The following ANKRD45 variants were observed in gnomAD, a reference collection of about 807,000 sequenced individuals.
ANKRD45 encodes the protein ankyrin repeat domain 45, also known as ankyrin repeat domain-containing protein 45.
In ANKRD45, 21 loss-of-function variants were observed where a neutral mutation model predicts 28.1. The ratio of observed to expected loss-of-function variants is 0.75; its 90% CI spans 0.53 to 1.08. The LOEUF is 1.08. ANKRD45 is among the 50% of genes least tolerant of loss of function. The pLI is 0.00. For synonymous variants in ANKRD45, 86 were observed against 103.9 expected, an observed-to-expected ratio of 0.83 and a Z score of 1.05; for missense variants, 261 against 308.7, an observed-to-expected ratio of 0.85 and a Z score of 1.16.
chr1:173,632,950 T>C (rs1267456676), intron 3 of ANKRD45, among the ~76,000 whole-genome samples: 1 of 152,022 alleles, frequency 6.6e-6, no homozygotes. Flanking sequence ...AAGACAAGAA[T>C]GCCCACTTTC....
the ANKRD45 span, among the ~76,000 whole-genome samples, chr1:173,676,030 C>T: frequency 1.3e-5 from 2 of 152,172 alleles, no homozygotes; most frequent in African/African-American, 4.8e-5. Context: ...CAGAAAGTGA[C>T]ATTCTTTACC....
intron 2 of ANKRD45, among the ~76,000 whole-genome samples, chr1:173,649,867 T>C (rs1669104326): frequency 1.3e-5 from 2 of 152,300 alleles, no homozygotes; most frequent in Admixed American, 6.5e-5. Flanking sequence ...ATAAATATTC[T>C]CTGGCATCAT....
In ANKRD45 at chr1:173,656,680, C is replaced by G. The variant is rs189107347; in HGVS notation, c.328+2411G>C. On this transcript the variant is annotated intron_variant, in intron 2 of 5. Coordinates refer to ENST00000333279, the MANE Select transcript of ANKRD45 (RefSeq NM_198493.3). Reference sequence around the variant, plus strand: ...TCTTCAGAGCTCATAAAAGCTGGCTCTAGCACAATACTGTGTTATTTCTCT... The same window carrying G: ...TCTTCAGAGCTCATAAAAGCTGGCTGTAGCACAATACTGTGTTATTTCTCT... Among the ~76,000 whole-genome samples the G allele has an allele frequency of 1.6e-3, 249 of 152,258 alleles. 1 individual carries two copies. The highest frequency in any genetic ancestry group is 2.6e-3 in the Non-Finnish European group (178 of 68,006).
rs193047279 is a variant in ANKRD45, at chr1:173,633,474, A to C, written c.497-6315T>G. 1.8e-3 allele frequency among the ~76,000 whole-genome samples: 259 copies of C among 147,784 alleles called. 1 individual carries two copies. The highest frequency in any genetic ancestry group is 4.1e-3 in the Admixed American group (60 of 14,720). ...TATCAAAATACCAACGACATGCTTC[A>C]CAGAAATAGAAAAAACAATACTAAA... On this transcript the variant is annotated intron_variant, in intron 3 of 5. Coordinates refer to ENST00000333279, the MANE Select transcript of ANKRD45 (RefSeq NM_198493.3).
chr1:173,691,462 T>C, the ANKRD45 span, among the ~76,000 whole-genome samples: 1 of 152,140 alleles, frequency 6.6e-6, no homozygotes, highest in Non-Finnish European at 1.5e-5. Flanking sequence ...AATATAAAAT[T>C]TTATTTTTAA....
Position 173,608,792 on chromosome 1 carries a change from GGAA to G in ANKRD45, c.*1350_*1352del, listed in dbSNP as rs970123364. On this transcript the variant is annotated 3_prime_UTR_variant, in exon 6 of 6. Transcript: ENST00000333279. ...TGGAGAGAGAGAGAGAGATAAGAGA[GGAA>G]GAAGAAGGAGTTGGAGAGGGAAGAG... 7.1e-6 allele frequency among the ~76,000 whole-genome samples: 1 copy of G among 141,780 alleles called. No individual in the cohort carries two copies. The highest frequency in any genetic ancestry group is 1.5e-5 in the Non-Finnish European group (1 of 65,384). The allele number at this position is 141,780 out of a possible 152,430, so 93.0% of individuals were successfully genotyped here. A position where few individuals can be genotyped will look rare whatever the true frequency, so the allele number is the denominator to read the frequency against.
At chr1:173,674,854 C>T in the ANKRD45 span, among the ~76,000 whole-genome samples, 1 of 152,252 alleles carries the variant, frequency 6.6e-6, no homozygotes, top group Non-Finnish European at 1.5e-5. Flanking sequence ...TTTCACATTT[C>T]CCCACTTTTT....
chr1:173,629,104 C>T (rs888164627), intron 3 of ANKRD45, among the ~76,000 whole-genome samples: 8 of 152,238 alleles, frequency 5.3e-5, no homozygotes, highest in East Asian at 3.9e-4. Context: ...AATGCAGATA[C>T]GGCTAGAGTA....
intron 3 of ANKRD45, among the ~76,000 whole-genome samples, chr1:173,643,053 A>G (rs1013636717): frequency 6.6e-6 from 1 of 152,118 alleles, no homozygotes; most frequent in Non-Finnish European, 1.5e-5. Context: ...TCACTGCTAC[A>G]TGTTTAAGTG....
At chr1:173,679,109 T>C in the ANKRD45 span, among the ~76,000 whole-genome samples, 2 of 152,114 alleles carry the variant, frequency 1.3e-5, no homozygotes, top group African/African-American at 4.8e-5. Flanking sequence ...ATCGTGAAAA[T>C]GGCCATACTG....
the ANKRD45 span, among the ~76,000 whole-genome samples, chr1:173,687,576 T>C: frequency 2.6e-5 from 4 of 151,686 alleles, no homozygotes; most frequent in Non-Finnish European, 4.4e-5. Flanking sequence ...TAATACATGT[T>C]AACTTTTAGC....
At chr1:173,619,091 G>C (rs1667592440) in intron 5 of ANKRD45, among the ~76,000 whole-genome samples, 2 of 152,168 alleles carry the variant, frequency 1.3e-5, no homozygotes, top group Non-Finnish European at 2.9e-5. Flanking sequence ...AAACACTGAG[G>C]GAATTTGTCA....
rs575222964 is a variant in ANKRD45 at position 173,634,197 on chromosome 1, A to T, written c.497-7038T>A. Among the ~76,000 whole-genome samples, 4 of 152,150 alleles carry T rather than the reference A, an allele frequency of 2.6e-5. No individual in the cohort carries two copies. In the South Asian group the frequency reaches 6.2e-4, roughly 24 times the overall value. ...TGTGAATGGACATTTCTCAAAAGAC[A>T]TACAAAATGGCAAACCAGTATATGA... On this transcript the variant is annotated intron_variant, in intron 3 of 5. Transcript: ENST00000333279.
chr1:173,630,820 A>T (rs1668159802), intron 3 of ANKRD45, among the ~76,000 whole-genome samples: 1 of 68,262 alleles, frequency 1.5e-5, no homozygotes, highest in African/African-American at 2.1e-4. Context: ...ACTCTGTCTA[A>T]AAAAAAAAAA....
chr1:173,697,685 C>T, the ANKRD45 span, among the ~76,000 whole-genome samples: 1 of 152,154 alleles, frequency 6.6e-6, no homozygotes, highest in African/African-American at 2.4e-5. Context: ...TGGAAAGGAA[C>T]AACCGGTATC....
intron 1 of ANKRD45, among the ~76,000 whole-genome samples, chr1:173,669,263 T>C (rs1350882042): frequency 6.6e-6 from 1 of 151,756 alleles, no homozygotes; most frequent in Non-Finnish European, 1.5e-5. Context: ...GTAGGAGTCT[T>C]AAAAGGAGGA....
At chr1:173,690,422 G>C in the ANKRD45 span, among the ~76,000 whole-genome samples, 1 of 152,116 alleles carries the variant, frequency 6.6e-6, no homozygotes, top group Non-Finnish European at 1.5e-5. Context: ...TGGCTCCTCT[G>C]ACTTTTCATT....
chr1:173,641,641 C>G (rs574129110), intron 3 of ANKRD45, among the ~76,000 whole-genome samples: 1 of 152,138 alleles, frequency 6.6e-6, no homozygotes. Flanking sequence ...TACTTGTGCT[C>G]TAATCCAATT....
At chr1:173,647,976 C>T (rs1485652292) in intron 2 of ANKRD45, among the ~76,000 whole-genome samples, 1 of 151,682 alleles carries the variant, frequency 6.6e-6, no homozygotes, top group African/African-American at 2.4e-5. Flanking sequence ...TGGAGTCTTT[C>T]GCTGTTGCCA....
Sources: gnomAD v4.1 joint callset for allele counts (sites outside exome capture counted in the v4.1 genomes callset) on GRCh38, gnomAD v4.1.1 for gene constraint, MANE v1.5 for transcripts, NCBI Gene and HGNC (gene_info 2026-07-23, HGNC 2026-07-21) for gene names.